CSMD1: variants seen among roughly 807,000 people sequenced by gnomAD.
CSMD1 encodes CUB and sushi domain-containing protein 1.
A neutral mutation model predicts 417.5 loss-of-function variants in CSMD1; 213 were observed. That is an observed-to-expected ratio of 0.51 (90% CI 0.46 to 0.57). The LOEUF (loss-of-function observed/expected upper bound fraction) is 0.57. CSMD1 is among the 20% of genes least tolerant of loss of function. The probability of loss-of-function intolerance (pLI) is 0.00; values close to 1 mark genes in which losing one functional copy is unlikely to be tolerated. For synonymous variants in CSMD1, 2,862 were observed against 1,736.8 expected (o/e 1.65, Z -16.11); for missense variants, 6,923 against 4,529.7 (o/e 1.53, Z -15.17).
intron 3 of CSMD1, among the ~76,000 whole-genome samples, chr8:4,133,805 C>G (rs1387471024): frequency 1.3e-5 from 2 of 152,176 alleles, no homozygotes; most frequent in East Asian, 3.9e-4. Flanking sequence ...CCATGCCACT[C>G]TGACCATGCC....
intron 8 of CSMD1, among the ~76,000 whole-genome samples, chr8:3,604,195 T>A (rs924906733): frequency 2.0e-5 from 3 of 151,986 alleles, no homozygotes; most frequent in Non-Finnish European, 4.4e-5. Flanking sequence ...AGAAAATATA[T>A]AAACATGAAT....
chr8:4,810,424 G>C (rs769146966), intron 1 of CSMD1, among the ~76,000 whole-genome samples: 3 of 152,134 alleles, frequency 2.0e-5, no homozygotes, highest in Non-Finnish European at 4.4e-5. Flanking sequence ...TCACTATGCA[G>C]GGAAACTAAA....
intron 1 of CSMD1, among the ~76,000 whole-genome samples, chr8:4,768,774 G>C (rs1337716353): frequency 6.6e-6 from 1 of 152,108 alleles, no homozygotes; most frequent in Non-Finnish European, 1.5e-5. Flanking sequence ...TTACAGTATA[G>C]GCACATCTTA....
chr8:4,606,194 A>T (rs1355546563), intron 2 of CSMD1, among the ~76,000 whole-genome samples: 1 of 152,132 alleles, frequency 6.6e-6, no homozygotes, highest in Non-Finnish European at 1.5e-5. Context: ...ACTGCACTCC[A>T]CTCAGCACGC....
At chr8:3,688,719 TA>T (rs1800074640) in intron 7 of CSMD1, among the ~76,000 whole-genome samples, 1 of 152,166 alleles carries the variant, frequency 6.6e-6, no homozygotes, top group South Asian at 2.1e-4. Context: ...TCTCCTCAAT[TA>T]AAAAATATTT....
chr8:4,931,689 C>T (rs1807261781), intron 1 of CSMD1, among the ~76,000 whole-genome samples: 1 of 152,122 alleles, frequency 6.6e-6, no homozygotes, highest in Non-Finnish European at 1.5e-5. Context: ...TTATGTAAAG[C>T]AAAACTAACC....
chr8:3,876,623 T>A (rs1461083784), intron 5 of CSMD1, among the ~76,000 whole-genome samples: 1 of 152,190 alleles, frequency 6.6e-6, no homozygotes, highest in African/African-American at 2.4e-5. Flanking sequence ...TGTTTCTTTG[T>A]TTTTGAGACA....
At chr8:4,864,982 A>T (rs147357268) in intron 1 of CSMD1, among the ~76,000 whole-genome samples, 7 of 151,120 alleles carry the variant, frequency 4.6e-5, no homozygotes, top group Non-Finnish European at 7.4e-5. Flanking sequence ...TTATTATATA[A>T]TTTGAAAATT....
chr8:4,824,844 CTG>C (rs1799731161), intron 1 of CSMD1, among the ~76,000 whole-genome samples: 1 of 152,114 alleles, frequency 6.6e-6, no homozygotes, highest in Admixed American at 6.6e-5. Context: ...AAGAAACAAT[CTG>C]TATCTCCAAG....
intron 5 of CSMD1, among the ~76,000 whole-genome samples, chr8:3,772,364 C>CACATATACATATATACATATATTT (rs1798632361): frequency 1.9e-5 from 2 of 107,560 alleles, no homozygotes; most frequent in Non-Finnish European, 3.8e-5. Context: ...TTTATATATA[C>CACATATACATATATACATATATTT]ATATATACAT....
chr8:4,329,071 A>T (rs1799718670), intron 3 of CSMD1, among the ~76,000 whole-genome samples: 1 of 152,236 alleles, frequency 6.6e-6, no homozygotes, highest in South Asian at 2.1e-4. Context: ...AATAAATAAA[A>T]ATTGCACAAC....
At chr8:4,473,727 AG>A (rs1800654325) in intron 2 of CSMD1, among the ~76,000 whole-genome samples, 3 of 152,222 alleles carry the variant, frequency 2.0e-5, no homozygotes, top group African/African-American at 7.2e-5. Flanking sequence ...TGTAGCATGT[AG>A]TAACACATAA....
At chr8:4,237,408 C>T (rs1802133200) in intron 3 of CSMD1, among the ~76,000 whole-genome samples, 1 of 151,992 alleles carries the variant, frequency 6.6e-6, no homozygotes, top group African/African-American at 2.4e-5. Context: ...GATACACACC[C>T]AGGCAGTTTT....
intron 1 of CSMD1, among the ~76,000 whole-genome samples, chr8:4,759,015 C>T (rs1811852569): frequency 6.6e-6 from 1 of 151,966 alleles, no homozygotes; most frequent in Non-Finnish European, 1.5e-5. Context: ...AAATAAGGTT[C>T]CCCAGGAAAC....
chr8:3,890,893 G>T (rs1160833272), intron 5 of CSMD1, among the ~76,000 whole-genome samples: 1 of 152,070 alleles, frequency 6.6e-6, no homozygotes, highest in African/African-American at 2.4e-5. Flanking sequence ...TCTTGAGTGT[G>T]CTAGCTACTC....
intron 52 of CSMD1, among the ~76,000 whole-genome samples, chr8:3,014,768 TTAGC>T (rs1808695838): frequency 6.6e-6 from 1 of 152,094 alleles, no homozygotes; most frequent in African/African-American, 2.4e-5. Flanking sequence ...TTGTAAATAG[TTAGC>T]TGGGCATGCT....
At chr8:4,444,799 A>G (rs1331445447) in intron 2 of CSMD1, among the ~76,000 whole-genome samples, 1 of 152,188 alleles carries the variant, frequency 6.6e-6, no homozygotes, top group Non-Finnish European at 1.5e-5. Flanking sequence ...TATTCCAGAT[A>G]ATCAGATGCT....
At chr8:3,765,960 G>A (rs1371834622) in intron 5 of CSMD1, among the ~76,000 whole-genome samples, 1 of 152,348 alleles carries the variant, frequency 6.6e-6, no homozygotes, top group Admixed American at 6.5e-5. Flanking sequence ...CAGCAAATCA[G>A]GCATCAGGAA....
At chr8:4,813,857 C>T (rs1321539787) in intron 1 of CSMD1, among the ~76,000 whole-genome samples, 2 of 152,150 alleles carry the variant, frequency 1.3e-5, no homozygotes, top group African/African-American at 4.8e-5. Flanking sequence ...GTAGCATTCT[C>T]AGGTTTTGTG....
Sources: allele counts gnomAD v4.1 joint callset (sites outside exome capture counted in the v4.1 genomes callset), GRCh38; gene constraint gnomAD v4.1.1; transcripts MANE v1.5; gene names NCBI Gene and HGNC (gene_info 2026-07-23, HGNC 2026-07-21).